Variants in MNT observed in about 807,000 individuals in gnomAD.
The protein encoded by MNT is MAX network transcriptional repressor, also known as max-binding protein MNT.
In MNT, 13 loss-of-function variants were observed where a neutral mutation model predicts 40.7. That is an observed-to-expected ratio of 0.32 (90% CI 0.21 to 0.51). The LOEUF is 0.51. Ranked by LOEUF, MNT falls within the 20% of genes least tolerant of loss-of-function variation. The pLI, the probability that MNT is intolerant of heterozygous loss-of-function variation, is 0.98. For missense variants in MNT, 757 were observed against 792.0 expected (o/e 0.96, Z 0.53); for synonymous variants, 426 against 354.8 (o/e 1.20, Z -2.26).
At chr17:2,392,150 G>A (rs2066521327) in intron 4 of MNT, 1 of 152,234 alleles carries the variant, frequency 6.6e-6, no homozygotes, top group South Asian at 2.1e-4. Context: ...TCTGTAGAAT[G>A]ACTTGTTCGT....
chr17:2,386,823 T>G lies in MNT; in HGVS notation c.*78A>C. On this transcript the variant is annotated 3_prime_UTR_variant, in exon 6 of 6. Transcript: ENST00000174618. Reference sequence around the variant, plus strand: ...GGCTGGCCTGGGCCTGGCTGGAATGTGTGGAGCTGGTGGGTGAGAGAGTGG... The same window carrying G: ...GGCTGGCCTGGGCCTGGCTGGAATGGGTGGAGCTGGTGGGTGAGAGAGTGG... 1 of 1,379,920 alleles carries G rather than the reference T, an allele frequency of 7.2e-7. No homozygotes were observed. Among genetic ancestry groups the G allele is most frequent in the Non-Finnish European group, 9.6e-7 (1 of 1,046,264 alleles). 85.5% of individuals were successfully genotyped at this position (1,379,920 alleles called of 1,614,324 possible). A position where few individuals can be genotyped will look rare whatever the true frequency, so the allele number is the denominator to read the frequency against.
intron 4 of MNT, among the ~76,000 whole-genome samples, chr17:2,392,977 G>C (rs1046487871): frequency 6.6e-6 from 1 of 152,140 alleles, no homozygotes; most frequent in Non-Finnish European, 1.5e-5. Flanking sequence ...GGTTACCTCA[G>C]GGCTGTGACC....
chr17:2,389,029 G>A (rs1386407202), intron 4 of MNT, among the ~76,000 whole-genome samples: 3 of 151,870 alleles, frequency 2.0e-5, no homozygotes, highest in Admixed American at 6.6e-5. Context: ...GCCCGCCTTG[G>A]TTTTCCTCTC....
At chr17:2,388,831 A>G (rs925959503) in intron 4 of MNT, among the ~76,000 whole-genome samples, 1 of 151,688 alleles carries the variant, frequency 6.6e-6, no homozygotes, top group Non-Finnish European at 1.5e-5. Context: ...CAAGTCTCAC[A>G]GACCTCCCTG....
chr17:2,398,455 C>G (rs2066591759), intron 1 of MNT, among the ~76,000 whole-genome samples: 1 of 152,236 alleles, frequency 6.6e-6, no homozygotes. Context: ...TTCTGGTCAG[C>G]AGGTTCACCT....
intron 2 of MNT, 45 bp downstream of exon 2, chr17:2,394,830 C>G: frequency 3.5e-6 from 5 of 1,429,924 alleles, no homozygotes; most frequent in Non-Finnish European, 4.8e-6. Flanking sequence ...GGGATGGGCA[C>G]CTCTCCTATC....
intron 2 of MNT, 24 bp from the exon 3 acceptor site, chr17:2,394,370 C>A (rs1466350218): frequency 6.2e-7 from 1 of 1,613,358 alleles, no homozygotes; most frequent in South Asian, 1.1e-5. Context: ...AGATAGGAGG[C>A]TCAGGGAGGA....
chr17:2,396,280 A>G (rs1415489649), intron 1 of MNT, among the ~76,000 whole-genome samples: 2 of 152,200 alleles, frequency 1.3e-5, no homozygotes, highest in East Asian at 1.9e-4. Context: ...TTCTCGTGTT[A>G]TAACTCATTT....
chr17:2,386,002 CCT>C lies in MNT; in HGVS notation c.*897_*898del, dbSNP rs1006884701. 1 of 152,476 alleles carries C rather than the reference CCT, an allele frequency of 6.6e-6. No individual in the cohort carries two copies. Among genetic ancestry groups the C allele is most frequent in the African/African-American group, 2.4e-5 (1 of 41,556 alleles). The allele number at this position is 152,476 out of a possible 1,614,324, so 9.4% of individuals were successfully genotyped here. ...CAGGGGCTGAACGCAGGACAGCGCC[CCT>C]CTTTGCTGCCTTCTGGAAGCCAAGA... On this transcript the variant is annotated 3_prime_UTR_variant, in exon 6 of 6. Transcript: ENST00000174618.
At chr17:2,399,137 T>A (rs1363710000) in intron 1 of MNT, among the ~76,000 whole-genome samples, 2 of 151,988 alleles carry the variant, frequency 1.3e-5, no homozygotes, top group East Asian at 1.9e-4. Flanking sequence ...GGCGAAGCAC[T>A]CTCCAACACA....
At chr17:2,400,488 C>T (rs2066607414) in intron 1 of MNT, 152 bp downstream of exon 1, 1 of 597,770 alleles carries the variant, frequency 1.7e-6, no homozygotes, top group African/African-American at 2.0e-5. Flanking sequence ...ATCACCCCTC[C>T]CCAGGCGGCG....
intron 1 of MNT, among the ~76,000 whole-genome samples, chr17:2,399,910 G>A (rs2066603003): frequency 6.6e-6 from 1 of 152,220 alleles, no homozygotes; most frequent in African/African-American, 2.4e-5. Context: ...AGCGACCCGC[G>A]GGCCATTTCG....
In MNT at chr17:2,387,541, G is replaced by A. The variant is rs771916294; in HGVS notation, c.1109C>T (p.Pro370Leu). 1.7e-5 allele frequency: 28 copies of A among 1,613,610 alleles called. No homozygotes were observed. Among genetic ancestry groups the A allele is most frequent in the Non-Finnish European group, 2.1e-5 (25 of 1,179,900 alleles). ...CAGAGGCGCAGGGGTGGTGCTGGGG[G>A]GTGGCAGGGTGGACTTCAGCAGCTC... ...QPELLKSTLPPPSTTPAPLPP... is the reference protein window; with the variant it reads ...QPELLKSTLPLPSTTPAPLPP... The change falls in exon 6 of 6, where the codon CCC becomes CTC. Residue 370 changes from proline (P) to leucine (L), a missense_variant. This residue lies in a region of MNT where 345 missense variants were observed against 380.1 expected (regional missense o/e 0.91). Coordinates refer to ENST00000174618, the MANE Select transcript of MNT (RefSeq NM_020310.3).
At chr17:2,394,267 ACGCACGCACG>A in intron 3 of MNT, 28 bp downstream of exon 3, 1 of 1,482,250 alleles carries the variant, frequency 6.7e-7, no homozygotes, top group Non-Finnish European at 9.1e-7. Flanking sequence ...TCGCGCGCGC[ACGCACGCACG>A]CACACACACA....
At chr17:2,399,680 G>A (rs897188688) in intron 1 of MNT, among the ~76,000 whole-genome samples, 2 of 152,096 alleles carry the variant, frequency 1.3e-5, no homozygotes, top group African/African-American at 2.4e-5. Context: ...AGCGCGAGGC[G>A]GTGAGGAGGG....
chr17:2,393,585 C>T (rs2066544400), intron 4 of MNT, among the ~76,000 whole-genome samples: 1 of 152,232 alleles, frequency 6.6e-6, no homozygotes, highest in African/African-American at 2.4e-5. Context: ...GCCCGCGCCG[C>T]AGCGTGGACG....
chr17:2,400,674 C>T lies in MNT; in HGVS notation c.39G>A (p.Leu13=), dbSNP rs892559218. 4 of 1,586,226 alleles carry T rather than the reference C, an allele frequency of 2.5e-6. No homozygotes were observed. In the African/African-American group the frequency reaches 5.6e-5, roughly 22 times the overall value. Residue 13 remains leucine (L), a synonymous_variant, in exon 1 of 6, where the codon CTG becomes CTA. Transcript: ENST00000174618. The part of the protein sequence containing the change: ...IETLLEAARF[L]EWQAQQQQRA... Reference sequence around the variant, plus strand: ...TCTGTTGTTGCTGCGCTTGCCATTCCAGGAAGCGGGCCGCCTCCAGTAGCG... The same window carrying T: ...TCTGTTGTTGCTGCGCTTGCCATTCTAGGAAGCGGGCCGCCTCCAGTAGCG...
intron 1 of MNT, among the ~76,000 whole-genome samples, chr17:2,398,598 C>G (rs989390965): frequency 1.3e-5 from 2 of 152,192 alleles, no homozygotes; most frequent in East Asian, 3.8e-4. Flanking sequence ...TTGAGTAGAT[C>G]TAGCTTTCCG....
In MNT at chr17:2,392,943, C is replaced by A. The variant is rs547199641; in HGVS notation, c.807+1100G>T. 3.3e-5 allele frequency among the ~76,000 whole-genome samples: 5 copies of A among 152,238 alleles called. No homozygotes were observed. In the East Asian group the frequency reaches 5.8e-4, roughly 18 times the overall value. On this transcript the variant is annotated intron_variant, in intron 4 of 5. Coordinates refer to ENST00000174618, the MANE Select transcript of MNT (RefSeq NM_020310.3). Reference sequence around the variant, plus strand: ...AGCAGTCGCGAAGCAGCGCCTCAGCCCCTCCCTCAGCAAGTCAGGCTCCGG... The same window carrying A: ...AGCAGTCGCGAAGCAGCGCCTCAGCACCTCCCTCAGCAAGTCAGGCTCCGG...
Sources: allele counts gnomAD v4.1 joint callset (sites outside exome capture counted in the v4.1 genomes callset), GRCh38; gene constraint gnomAD v4.1.1; regional missense constraint gnomAD v4.1.1; transcripts MANE v1.5; gene names NCBI Gene and HGNC (gene_info 2026-07-23, HGNC 2026-07-21).